The following DENR variants were observed in gnomAD, a reference collection of about 807,000 sequenced individuals.
DENR encodes the protein density regulated re-initiation and release factor.
DENR carries 6 observed loss-of-function variants against 30.6 expected under a neutral mutation model. The ratio of observed to expected loss-of-function variants is 0.20; its 90% CI spans 0.11 to 0.39. The LOEUF is 0.39. Ranked by LOEUF, DENR falls within the 10% of genes least tolerant of loss-of-function variation. DENR has a pLI of 1.00. For synonymous variants in DENR, 78 were observed against 72.1 expected, an observed-to-expected ratio of 1.08 and a Z score of -0.41; for missense variants, 141 against 230.9, an observed-to-expected ratio of 0.61 and a Z score of 2.52.
chr12:122,756,347 G>GC (rs1358297347), intron 2 of DENR, among the ~76,000 whole-genome samples: 1 of 152,206 alleles, frequency 6.6e-6, no homozygotes, highest in Non-Finnish European at 1.5e-5. Context: ...TACTCGGGAG[G>GC]CTGAGGCAGG....
In DENR at chr12:122,765,775, A is replaced by G. The variant is rs186472635; in HGVS notation, c.295+388A>G. On this transcript the variant is annotated intron_variant, in intron 5 of 7. Transcript: ENST00000280557. ...GTGTCAGTAAATTGGACCTAGGAAA[A>G]CATGCTTATTTGCCCTGTTTGTATG... Among the ~76,000 whole-genome samples, 130 of 152,228 alleles carry G rather than the reference A, an allele frequency of 8.5e-4. 1 individual carries two copies. Among genetic ancestry groups the G allele is most frequent in the African/African-American group, 3.1e-3 (127 of 41,536 alleles).
At chr12:122,764,100 A>G (rs1033809282) in intron 4 of DENR, among the ~76,000 whole-genome samples, 5 of 152,184 alleles carry the variant, frequency 3.3e-5, no homozygotes, top group African/African-American at 1.2e-4. Flanking sequence ...TATTCAGGAA[A>G]CAGCAAGGAA....
At chr12:122,758,597 G>C (rs1593760355) in intron 2 of DENR, among the ~76,000 whole-genome samples, 1 of 152,066 alleles carries the variant, frequency 6.6e-6, no homozygotes, top group Non-Finnish European at 1.5e-5. Flanking sequence ...CTGAGCTCAG[G>C]AGTTTGAGAC....
intron 4 of DENR, among the ~76,000 whole-genome samples, chr12:122,764,748 C>T (rs1325288841): frequency 6.6e-6 from 1 of 152,186 alleles, no homozygotes. Context: ...GGGAACAGGC[C>T]TGCTCAGAGA....
At chr12:122,765,277 G>A (rs1268046179) in intron 4 of DENR, 27 bp from the exon 5 acceptor site, 1 of 1,525,728 alleles carries the variant, frequency 6.6e-7, no homozygotes, top group Middle Eastern at 1.7e-4. Flanking sequence ...TGATGTTCAT[G>A]CTTTTGTATT....
chr12:122,762,529 G>C (rs924659429), intron 3 of DENR, among the ~76,000 whole-genome samples: 1 of 152,206 alleles, frequency 6.6e-6, no homozygotes, highest in Non-Finnish European at 1.5e-5. Flanking sequence ...AGAAAGGGCA[G>C]TATAAATTAT....
chr12:122,753,243 T>G lies in DENR; in HGVS notation c.-10+293T>G, dbSNP rs1878459797. Among the ~76,000 whole-genome samples, 6 of 151,892 alleles carry G rather than the reference T, an allele frequency of 4.0e-5. No homozygotes were observed. The South Asian group carries it at 1.2e-3, about 32-fold the overall frequency. On this transcript the variant is annotated intron_variant, in intron 1 of 7. Transcript: ENST00000280557. ...CCCAGGCCCCTCTCATGGCGTTTAG[T>G]TGCCCCCACACCCTGCACCCCGGGC...
chr12:122,766,050 C>CAA (rs76384418), intron 5 of DENR, among the ~76,000 whole-genome samples: 20 of 133,126 alleles, frequency 1.5e-4, no homozygotes, highest in African/African-American at 4.7e-4. Flanking sequence ...TTTGCATCTT[C>CAA]AAAAAAAAAA....
At position 122,759,530 on chromosome 12, in the gene DENR, G is replaced by A. The variant is rs1203917774; in HGVS notation, c.107-2657G>A. ...GAGGCCAGGAGTTCAAGACCAGCCT[G>A]GCCAACATGGCAAAACCCTGTCTCT... On this transcript the variant is annotated intron_variant, in intron 2 of 7. Coordinates refer to ENST00000280557, the MANE Select transcript of DENR (RefSeq NM_003677.5). Among the ~76,000 whole-genome samples, 3 of 152,218 alleles carry A rather than the reference G, an allele frequency of 2.0e-5. No homozygotes were observed. In the East Asian group the frequency reaches 5.8e-4, roughly 29 times the overall value.
intron 2 of DENR, among the ~76,000 whole-genome samples, chr12:122,757,985 G>T (rs1878594322): frequency 6.6e-6 from 1 of 152,190 alleles, no homozygotes; most frequent in Non-Finnish European, 1.5e-5. Context: ...TGATTTTGGT[G>T]ACTGTTGACA....
rs764877383 is a variant in DENR, at chr12:122,769,248, A to ATG, written c.*171_*172insGT. 2.9e-5 allele frequency: 20 copies of ATG among 697,526 alleles called. 3 individuals are homozygous for ATG. Among genetic ancestry groups the ATG allele is most frequent in the East Asian group, 1.2e-4 (1 of 8,086 alleles). 43.2% of individuals were successfully genotyped at this position (697,526 alleles called of 1,614,324 possible). A position where few individuals can be genotyped will look rare whatever the true frequency, so the allele number is the denominator to read the frequency against. ...TATACATGTGTGTATGTATACATGT[A>ATG]TATATATATACATACACATATATGT... On this transcript the variant is annotated 3_prime_UTR_variant, in exon 8 of 8. Transcript: ENST00000280557.
In DENR at chr12:122,769,306, A is replaced by ACT; in HGVS notation, c.*229_*230insTC. 4.1e-6 allele frequency: 3 copies of ACT among 723,930 alleles called. No individual in the cohort carries two copies. Among genetic ancestry groups the ACT allele is most frequent in the Non-Finnish European group, 4.7e-6 (3 of 644,386 alleles). 44.8% of individuals were successfully genotyped at this position (723,930 alleles called of 1,614,324 possible). ...TATACACATATATGTATACATATAT[A>ACT]CACATATGTATACATATATATATAT... On this transcript the variant is annotated 3_prime_UTR_variant, in exon 8 of 8. Coordinates refer to ENST00000280557, the MANE Select transcript of DENR (RefSeq NM_003677.5).
At chr12:122,760,870 T>C (rs530395532) in intron 2 of DENR, among the ~76,000 whole-genome samples, 34 of 152,288 alleles carry the variant, frequency 2.2e-4, no homozygotes, top group African/African-American at 8.2e-4. Context: ...GAACCAAGAT[T>C]CCTTCTAGCT....
Position 122,769,210 on chromosome 12 carries a change from A to T in DENR, c.*132A>T. On this transcript the variant is annotated 3_prime_UTR_variant, in exon 8 of 8. Coordinates refer to ENST00000280557, the MANE Select transcript of DENR (RefSeq NM_003677.5). ...TACACATATATGTATGTATACACAT[A>T]TACACATGTATATATACATGTGTGT... 1.1e-6 allele frequency: 1 copy of T among 887,272 alleles called. No individual in the cohort carries two copies. Among genetic ancestry groups the T allele is most frequent in the Non-Finnish European group, 1.5e-6 (1 of 688,412 alleles). The allele number at this position is 887,272 out of a possible 1,614,324, so 55.0% of individuals were successfully genotyped here.
In DENR at chr12:122,769,211, T is replaced by A. The variant is rs575503153; in HGVS notation, c.*133T>A. On this transcript the variant is annotated 3_prime_UTR_variant, in exon 8 of 8. Coordinates refer to ENST00000280557, the MANE Select transcript of DENR (RefSeq NM_003677.5). The stretch of plus-strand genomic sequence containing the variant: ...ACACATATATGTATGTATACACATA[T>A]ACACATGTATATATACATGTGTGTA... 1.1e-5 allele frequency: 9 copies of A among 854,636 alleles called. No homozygotes were observed. Among genetic ancestry groups the A allele is most frequent in the African/African-American group, 6.3e-5 (3 of 47,666 alleles). The allele number at this position is 854,636 out of a possible 1,614,324, so 52.9% of individuals were successfully genotyped here.
At chr12:122,758,230 C>G (rs1215526077) in intron 2 of DENR, among the ~76,000 whole-genome samples, 1 of 152,144 alleles carries the variant, frequency 6.6e-6, no homozygotes, top group Non-Finnish European at 1.5e-5. Context: ...TGCCACCGTG[C>G]CTGGCTGATT....
At chr12:122,755,795 C>G (rs1386284828) in intron 2 of DENR, among the ~76,000 whole-genome samples, 1 of 152,182 alleles carries the variant, frequency 6.6e-6, no homozygotes, top group African/African-American at 2.4e-5. Flanking sequence ...TGAAAGGTGC[C>G]TTTCTACCTT....
intron 2 of DENR, among the ~76,000 whole-genome samples, chr12:122,754,891 T>C (rs573481220): frequency 1.3e-5 from 2 of 152,210 alleles, no homozygotes; most frequent in East Asian, 3.9e-4. Context: ...ATAAAGAGGG[T>C]TAATCAAAGA....
intron 5 of DENR, among the ~76,000 whole-genome samples, chr12:122,766,201 C>G (rs1878845134): frequency 6.6e-6 from 1 of 152,044 alleles, no homozygotes; most frequent in South Asian, 2.1e-4. Flanking sequence ...CCTAACCTGA[C>G]TTCCTGGCCA....
Sources: allele counts gnomAD v4.1 joint callset (sites outside exome capture counted in the v4.1 genomes callset), GRCh38; gene constraint gnomAD v4.1.1; transcripts MANE v1.5; gene names NCBI Gene and HGNC (gene_info 2026-07-23, HGNC 2026-07-21).